Variants in ADNP observed in about 807,000 individuals in gnomAD.
ADNP encodes activity dependent neuroprotector homeobox.
ADNP carries 4 observed loss-of-function variants against 84.9 expected under a neutral mutation model. That is an observed-to-expected ratio of 0.05 (90% CI 0.02 to 0.11). The LOEUF (loss-of-function observed/expected upper bound fraction) is 0.11, where lower values mean the gene tolerates loss of function less well. Among genes scored for constraint, ADNP ranks in the 10% least tolerant of loss-of-function variants. ADNP has a pLI of 1.00. For missense variants in ADNP, 1,132 were observed against 1,326.0 expected, an observed-to-expected ratio of 0.85 and a Z score of 2.27; for synonymous variants, 554 against 468.1, an observed-to-expected ratio of 1.18 and a Z score of -2.37.
chr20:50,911,576 C>G (rs1223829268), intron 2 of ADNP, among the ~76,000 whole-genome samples: 1 of 150,560 alleles, frequency 6.6e-6, no homozygotes, highest in African/African-American at 2.4e-5. Flanking sequence ...CATCACCCAA[C>G]AGATGACAGT....
intron 5 of ADNP, among the ~76,000 whole-genome samples, chr20:50,899,616 G>T (rs1347986297): frequency 1.3e-5 from 2 of 152,016 alleles, no homozygotes; most frequent in Admixed American, 6.6e-5. Flanking sequence ...GAGGTATCTA[G>T]AAGACGACAC....
At chr20:50,919,758 C>T (rs1239601239) in intron 2 of ADNP, among the ~76,000 whole-genome samples, 6 of 152,084 alleles carry the variant, frequency 3.9e-5, no homozygotes, top group South Asian at 2.1e-4. Context: ...TTCCAGAGGC[C>T]GGAAAGCAAG....
rs11470054 is a variant in ADNP at position 50,901,321 on chromosome 20, TAAAAAAAAAA to T, written c.201+686_201+695del. ...GGTTAGTAACTTTGCCTGGGGTATTTAAAAAAAAAAAAAAAAAAAAAAAAAAGTCAAATAT... is the reference window on the plus strand; with the variant it reads ...GGTTAGTAACTTTGCCTGGGGTATTTAAAAAAAAAAAAAAAAGTCAAATAT... On this transcript the variant is annotated intron_variant, in intron 5 of 5. Transcript: ENST00000621696. 6.5e-5 allele frequency among the ~76,000 whole-genome samples: 6 copies of T among 92,754 alleles called. No homozygotes were observed. The East Asian group carries it at 1.6e-3, about 24-fold the overall frequency. 60.9% of individuals were successfully genotyped at this position (92,754 alleles called of 152,430 possible).
chr20:50,923,321 T>C (rs1057443137), intron 2 of ADNP, among the ~76,000 whole-genome samples: 1 of 152,190 alleles, frequency 6.6e-6, no homozygotes, highest in Admixed American at 6.5e-5. Flanking sequence ...ATAGGAAATA[T>C]ATTTCTTTCA....
chr20:50,917,561 T>C (rs532683028), intron 2 of ADNP, among the ~76,000 whole-genome samples: 2 of 152,306 alleles, frequency 1.3e-5, no homozygotes, highest in South Asian at 2.1e-4. Flanking sequence ...TATCTTCCCA[T>C]TGTGAATACT....
chr20:50,917,366 C>A (rs764312365), intron 2 of ADNP, among the ~76,000 whole-genome samples: 3 of 152,198 alleles, frequency 2.0e-5, no homozygotes, highest in Non-Finnish European at 4.4e-5. Flanking sequence ...TCTAAGGACA[C>A]TTGTCTTAAA....
chr20:50,917,411 C>T (rs560253769), intron 2 of ADNP, among the ~76,000 whole-genome samples: 1 of 152,296 alleles, frequency 6.6e-6, no homozygotes, highest in South Asian at 2.1e-4. Flanking sequence ...CCAAGAGTCA[C>T]TAGATAGTCA....
intron 2 of ADNP, among the ~76,000 whole-genome samples, chr20:50,924,126 G>GA (rs1420690843): frequency 3.3e-5 from 5 of 152,132 alleles, no homozygotes; most frequent in Non-Finnish European, 5.9e-5. Flanking sequence ...TTCAGAAAAA[G>GA]AAAGGGTAAA....
chr20:50,892,465 A>G lies in ADNP; in HGVS notation c.2249T>C (p.Val750Ala). Residue 750 changes from valine to alanine, a missense_variant, in exon 6 of 6, where the codon GTT (valine) becomes GCT (alanine). By Grantham distance (64) the Val-to-Ala change is moderately conservative (BLOSUM62 0). Transcript: ENST00000621696. ...SFFEEKPEEP[V>A]VLALDPKGHE... ...ACCCTTGGGGTCTAAAGCTAAAACA[A>G]CAGGCTCTTCAGGCTTCTCTTCAAA... The G allele has an allele frequency of 6.2e-7, 1 of 1,614,172 alleles. No homozygotes were observed. Among genetic ancestry groups the G allele is most frequent in the Non-Finnish European group, 8.5e-7 (1 of 1,180,034 alleles).
intron 2 of ADNP, among the ~76,000 whole-genome samples, chr20:50,923,034 A>G (rs182428386): frequency 5.3e-5 from 8 of 152,186 alleles, no homozygotes; most frequent in Admixed American, 5.2e-4. Flanking sequence ...GTGTAAGGAG[A>G]GCAGGAGAAG....
chr20:50,915,678 T>C (rs1983456045), intron 2 of ADNP, among the ~76,000 whole-genome samples: 1 of 152,210 alleles, frequency 6.6e-6, no homozygotes, highest in South Asian at 2.1e-4. Flanking sequence ...GGCAGAATGT[T>C]CTTCTGGATT....
intron 2 of ADNP, among the ~76,000 whole-genome samples, chr20:50,925,263 T>TACACACAC (rs57985341): frequency 0.13 from 19,929 of 148,970 alleles, 1,530 homozygotes; most frequent in Middle Eastern, 0.19. Flanking sequence ...TGACTTCCTA[T>TACACACAC]ACACACACAC....
chr20:50,901,628 G>C (rs1207787443), intron 5 of ADNP, among the ~76,000 whole-genome samples: 1 of 152,132 alleles, frequency 6.6e-6, no homozygotes, highest in Non-Finnish European at 1.5e-5. Context: ...CATAGAAGTT[G>C]GGTGCCATCA....
At chr20:50,913,056 G>A (rs947153898) in intron 2 of ADNP, among the ~76,000 whole-genome samples, 1 of 151,790 alleles carries the variant, frequency 6.6e-6, no homozygotes, top group Non-Finnish European at 1.5e-5. Flanking sequence ...TTCACGACCA[G>A]CCTGGCCAAC....
intron 2 of ADNP, among the ~76,000 whole-genome samples, chr20:50,922,239 TTC>T (rs538201505): frequency 1.1e-3 from 162 of 152,248 alleles, no homozygotes; most frequent in African/African-American, 3.8e-3. Context: ...TCTAATTTGG[TTC>T]TGACACTGTC....
chr20:50,912,055 T>A (rs1314705935), intron 2 of ADNP, among the ~76,000 whole-genome samples: 1 of 152,194 alleles, frequency 6.6e-6, no homozygotes, highest in African/African-American at 2.4e-5. Context: ...TCATTTCCAC[T>A]AAGAAAAGCA....
rs1982035721 is a variant in ADNP, at chr20:50,902,009, C to T, written c.201+8G>A. The T allele has an allele frequency of 6.2e-7, 1 of 1,603,452 alleles. No individual in the cohort carries two copies. The highest frequency in any genetic ancestry group is 2.2e-5 in the East Asian group (1 of 44,828). On this transcript the variant is annotated splice_region_variant and intron_variant, in intron 5 of 5. Transcript: ENST00000621696. Reference sequence around the variant, plus strand: ...CTGCCATCTGAGGAAGTCTCCTGTGCCACTTACCTGGTTTTTCGTAAGTGA... The same window carrying T: ...CTGCCATCTGAGGAAGTCTCCTGTGTCACTTACCTGGTTTTTCGTAAGTGA...
intron 2 of ADNP, among the ~76,000 whole-genome samples, chr20:50,914,795 G>C (rs1437869905): frequency 6.6e-6 from 1 of 152,194 alleles, no homozygotes; most frequent in Non-Finnish European, 1.5e-5. Context: ...CCTCCATACA[G>C]TTAAACATCC....
chr20:50,919,305 A>ATATATATATATATATG (rs1168718295), intron 2 of ADNP, among the ~76,000 whole-genome samples: 2 of 136,916 alleles, frequency 1.5e-5, no homozygotes, highest in African/African-American at 6.1e-5. Context: ...ATATATATAT[A>ATATATATATATATATG]TATATATATA....
Sources: allele counts gnomAD v4.1 joint callset (sites outside exome capture counted in the v4.1 genomes callset), GRCh38; gene constraint gnomAD v4.1.1; transcripts MANE v1.5; gene names NCBI Gene and HGNC (gene_info 2026-07-23, HGNC 2026-07-21).